The following RNF19A variants were observed in gnomAD, a reference collection of about 807,000 sequenced individuals.
RNF19A encodes the protein ring finger protein 19A, RBR E3 ubiquitin protein ligase.
A neutral mutation model predicts 75.7 loss-of-function variants in RNF19A; 32 were observed. That is an observed-to-expected ratio of 0.42 (90% CI 0.32 to 0.57). RNF19A has a LOEUF of 0.57. Among genes scored for constraint, RNF19A ranks in the 20% least tolerant of loss-of-function variants. RNF19A has a pLI of 0.10. For missense variants in RNF19A, 782 were observed against 1,036.3 expected, an observed-to-expected ratio of 0.75 and a Z score of 3.37; for synonymous variants, 335 against 345.2, an observed-to-expected ratio of 0.97 and a Z score of 0.33.
Position 100,264,489 on chromosome 8 carries a change from C to A in RNF19A, c.1306+182G>T. On this transcript the variant is annotated intron_variant, in intron 6 of 9. Transcript: ENST00000341084. This position sits in a 1 kb window ranked among gnomAD's most constrained non-coding sequence, Gnocchi z 4.7. ...GTGGAGTGGGGAGGAAGGGTATCAG[C>A]CACTAACAATTTACCAACTACTTTA... 1 of 593,370 alleles carries A rather than the reference C, an allele frequency of 1.7e-6. No homozygotes were observed. The highest frequency in any genetic ancestry group is 2.9e-6 in the Non-Finnish European group (1 of 339,256). The allele number at this position is 593,370 out of a possible 1,614,324, so 36.8% of individuals were successfully genotyped here. A position where few individuals can be genotyped will look rare whatever the true frequency, so the allele number is the denominator to read the frequency against.
At position 100,268,821 on chromosome 8, in the gene RNF19A, T is replaced by C. The variant is rs991950326; in HGVS notation, c.1155A>G (p.Ala385=). 14 of 1,592,366 alleles carry C rather than the reference T, an allele frequency of 8.8e-6. No homozygotes were observed. Among genetic ancestry groups the C allele is most frequent in the Non-Finnish European group, 1.2e-5 (14 of 1,167,428 alleles). ...CATACACAGGAATGCCAATAATCAT[T>C]GCAGGAATAGCAATGCCAGCTATTA... The part of the protein sequence containing the change: ...IALIAGIAIP[A]MIIGIPVYVG... The change falls in exon 5 of 10, where the codon GCA becomes GCG. Residue 385 remains alanine, a synonymous_variant. Transcript: ENST00000341084.
At chr8:100,292,054 A>C (rs1821323410) in intron 1 of RNF19A, among the ~76,000 whole-genome samples, 3 of 148,624 alleles carry the variant, frequency 2.0e-5, no homozygotes. Context: ...TAACTTGGTC[A>C]CTACAGAAGC....
intron 1 of RNF19A, among the ~76,000 whole-genome samples, chr8:100,301,348 G>C (rs1407450259): frequency 6.6e-6 from 1 of 152,026 alleles, no homozygotes; most frequent in Non-Finnish European, 1.5e-5. Context: ...TAATCACCTG[G>C]TATCCAAATT....
intron 1 of RNF19A, among the ~76,000 whole-genome samples, chr8:100,321,121 C>G (rs931218745): frequency 2.4e-4 from 36 of 152,276 alleles, no homozygotes; most frequent in African/African-American, 7.5e-4. Flanking sequence ...AATAAGATAA[C>G]AATGAAGTTT....
chr8:100,330,452 T>C lies in RNF19A; in HGVS notation c.-243+5656A>G, dbSNP rs1157035381. ...ATAGTGACTATTTTAGGGATGGACA[T>C]TTGACACAGTAGTCCAATATGAATT... On this transcript the variant is annotated intron_variant, in intron 1 of 3. Transcript: ENST00000519527. This position sits in a 1 kb window ranked among gnomAD's most constrained non-coding sequence, Gnocchi z 4.1. Among the ~76,000 whole-genome samples the C allele has an allele frequency of 6.6e-6, 1 of 152,196 alleles. No homozygotes were observed. Among genetic ancestry groups the C allele is most frequent in the African/African-American group, 2.4e-5 (1 of 41,454 alleles).
chr8:100,291,746 TTC>T (rs1216821848), intron 1 of RNF19A, among the ~76,000 whole-genome samples: 4 of 152,354 alleles, frequency 2.6e-5, no homozygotes, highest in African/African-American at 9.6e-5. Context: ...ATTAGGTTTC[TTC>T]TGTCACTTCT....
intron 1 of RNF19A, among the ~76,000 whole-genome samples, chr8:100,293,796 T>C (rs1821418629): frequency 6.6e-6 from 1 of 152,238 alleles, no homozygotes; most frequent in African/African-American, 2.4e-5. Flanking sequence ...TTGTAATCTT[T>C]TTTTCTTCGT....
intron 2 of RNF19A, among the ~76,000 whole-genome samples, chr8:100,279,700 T>A (rs1351910523): frequency 6.6e-6 from 1 of 152,178 alleles, no homozygotes; most frequent in Non-Finnish European, 1.5e-5. Flanking sequence ...ATTTTTTTTG[T>A]ATCTTTAGTA....
Position 100,259,297 on chromosome 8 carries a change from T to G in RNF19A, c.1827-51A>C. ...AACATAATTGCTGACTTCTTTTTGT[T>G]CAGATGACTGGGGGAAGGGTTTCTA... On this transcript the variant is annotated intron_variant, in intron 9 of 9. Transcript: ENST00000341084. This position sits in a 1 kb window ranked among gnomAD's most constrained non-coding sequence, Gnocchi z 4.5. 1 of 1,449,666 alleles carries G rather than the reference T, an allele frequency of 6.9e-7. No homozygotes were observed. The highest frequency in any genetic ancestry group is 2.3e-5 in the East Asian group (1 of 43,956). 89.8% of individuals were successfully genotyped at this position (1,449,666 alleles called of 1,614,324 possible).
At chr8:100,282,414 T>C (rs1820821672) in intron 2 of RNF19A, among the ~76,000 whole-genome samples, 1 of 152,230 alleles carries the variant, frequency 6.6e-6, no homozygotes, top group Non-Finnish European at 1.5e-5. Flanking sequence ...ACCCACATAG[T>C]ATATTTAATT....
At position 100,269,011 on chromosome 8, in the gene RNF19A, T is replaced by C; in HGVS notation, c.1029-64A>G. On this transcript the variant is annotated intron_variant, in intron 4 of 9. Transcript: ENST00000341084. The surrounding 1 kb of genome is among the most constrained non-coding windows in gnomAD (Gnocchi z 5.7). ...ACACCACAATAACAAATTAGTGCAC[T>C]ATATTAAAACAATGACTATTTTTAA... is the stretch of plus-strand genomic sequence containing the variant. 1.6e-6 allele frequency: 2 copies of C among 1,265,002 alleles called. No individual in the cohort carries two copies. Among genetic ancestry groups the C allele is most frequent in the East Asian group, 2.5e-5 (1 of 39,696 alleles). The allele number at this position is 1,265,002 out of a possible 1,614,324, so 78.4% of individuals were successfully genotyped here.
At chr8:100,308,391 A>C (rs1377930973) in intron 1 of RNF19A, among the ~76,000 whole-genome samples, 1 of 152,202 alleles carries the variant, frequency 6.6e-6, no homozygotes, top group Non-Finnish European at 1.5e-5. Flanking sequence ...TTTTACCATG[A>C]AACTGTAACA....
At chr8:100,313,465 T>C (rs1161389536), upstream of RNF19A, 1 of 171,998 alleles carries the variant, frequency 5.8e-6, no homozygotes, top group African/African-American at 3.1e-5. Context: ...CTTGTCAAAT[T>C]CAAGGCAGCT....
In RNF19A at chr8:100,282,064, A is replaced by G. The variant is rs1586636065; in HGVS notation, c.674+5437T>C. Among the ~76,000 whole-genome samples the G allele has an allele frequency of 2.0e-5, 3 of 152,258 alleles. No individual in the cohort carries two copies. The East Asian group carries it at 5.8e-4, about 29-fold the overall frequency. ...TTGTTCTCAGGGCTACATGCCTGAG[A>G]CTAGTTGGGGAAGTCTGTCCAATTT... is the stretch of plus-strand genomic sequence containing the variant. On this transcript the variant is annotated intron_variant, in intron 2 of 9. Coordinates refer to ENST00000341084, the MANE Select transcript of RNF19A (RefSeq NM_183419.4).
At chr8:100,274,284 T>C (rs978664034) in intron 3 of RNF19A, among the ~76,000 whole-genome samples, 3 of 152,154 alleles carry the variant, frequency 2.0e-5, no homozygotes, top group Non-Finnish European at 2.9e-5. Flanking sequence ...AACTACCCAA[T>C]GGCTACTGCT....
At position 100,258,493 on chromosome 8, in the gene RNF19A, A is replaced by G. The variant is rs1437614842; in HGVS notation, c.*63T>C. On this transcript the variant is annotated 3_prime_UTR_variant, in exon 10 of 10. Transcript: ENST00000341084. The surrounding 1 kb of genome is among the most constrained non-coding windows in gnomAD (Gnocchi z 4.3). ...GGTAACCTGAAACTTAAGTAGTCAC[A>G]TGTAGTTCAACCAGCTCCAAACACG... 1 of 1,334,576 alleles carries G rather than the reference A, an allele frequency of 7.5e-7. No individual in the cohort carries two copies. Among genetic ancestry groups the G allele is most frequent in the Admixed American group, 2.1e-5 (1 of 47,126 alleles). The allele number at this position is 1,334,576 out of a possible 1,614,324, so 82.7% of individuals were successfully genotyped here.
intron 2 of RNF19A, among the ~76,000 whole-genome samples, chr8:100,285,370 ATCAAT>A (rs1477434907): frequency 6.6e-6 from 1 of 152,194 alleles, no homozygotes; most frequent in Non-Finnish European, 1.5e-5. Context: ...ATGTTGAATA[ATCAAT>A]TCTTTTCCAG....
rs777139065 is a variant in RNF19A, at chr8:100,287,631, G to A, written c.544C>T (p.Arg182Trp). 1.7e-5 allele frequency: 27 copies of A among 1,613,912 alleles called. No homozygotes were observed. The highest frequency in any genetic ancestry group is 1.8e-5 in the Non-Finnish European group (21 of 1,179,952). ...AAGCGAATATCATGGGGATTAAACC[G>A]TTCAGTACATTCTGGGCAACTAATA... ...VNISCPECTE[R>W]FNPHDIRLIL... Residue 182 changes from arginine (R) to tryptophan (W), a missense_variant, in exon 2 of 10, where the codon CGG becomes TGG. Physicochemically the swap from Arg to Trp is moderately radical, Grantham distance 101. This residue lies in a region of RNF19A where 85 missense variants were observed against 177.7 expected (regional missense o/e 0.48). Transcript: ENST00000341084. The surrounding 1 kb of genome is among the most constrained non-coding windows in gnomAD (Gnocchi z 4.1).
Position 100,258,216 on chromosome 8 carries a change from C to T in RNF19A, c.*340G>A, listed in dbSNP as rs11988199. 5,037 of 413,496 alleles carry T rather than the reference C, an allele frequency of 0.012. 196 individuals carry two copies. The highest frequency in any genetic ancestry group is 0.091 in the African/African-American group (4,423 of 48,700). 25.6% of individuals were successfully genotyped at this position (413,496 alleles called of 1,614,324 possible). A position where few individuals can be genotyped will look rare whatever the true frequency, so the allele number is the denominator to read the frequency against. On this transcript the variant is annotated 3_prime_UTR_variant, in exon 10 of 10. Transcript: ENST00000341084. This position sits in a 1 kb window ranked among gnomAD's most constrained non-coding sequence, Gnocchi z 4.3. ...GCCTCAAGTTTTCTTCATTTGAATG[C>T]TGTAGAATTGCATTAGTATTTTATA...
Sources: gnomAD v4.1 joint callset for allele counts (sites outside exome capture counted in the v4.1 genomes callset) on GRCh38, gnomAD v4.1.1 for gene constraint, gnomAD v4.1.1 regional missense constraint, Gnocchi (gnomAD v3.1) non-coding constraint, MANE v1.5 for transcripts, NCBI Gene and HGNC (gene_info 2026-07-23, HGNC 2026-07-21) for gene names.